The following RPA3 variants were observed in gnomAD, a reference collection of about 807,000 sequenced individuals.
RPA3 encodes the protein replication protein A3, also known as replication protein A 14 kDa subunit.
RPA3 carries 24 observed loss-of-function variants against 13.7 expected under a neutral mutation model. The observed-to-expected ratio is 1.75, with a 90% CI of 1.27 to 2.46. The LOEUF is 2.46. RPA3 is among the 30% of genes most tolerant of loss of function. RPA3 has a pLI of 0.00. For synonymous variants in RPA3, 59 were observed against 51.2 expected, an observed-to-expected ratio of 1.15 and a Z score of -0.65; for missense variants, 183 against 151.0, an observed-to-expected ratio of 1.21 and a Z score of -1.11.
At chr7:7,658,201 A>G (rs1446581261) in intron 4 of RPA3, among the ~76,000 whole-genome samples, 1 of 152,212 alleles carries the variant, frequency 6.6e-6, no homozygotes, top group Non-Finnish European at 1.5e-5. Flanking sequence ...CAGCTTAAGG[A>G]GATTTTGGGC....
chr7:7,657,609 A>G (rs1178937344), intron 4 of RPA3, among the ~76,000 whole-genome samples: 1 of 151,962 alleles, frequency 6.6e-6, no homozygotes, highest in African/African-American at 2.4e-5. Context: ...TATGTCAAAG[A>G]TCAGATGGTT....
At chr7:7,659,458 C>G (rs922401282) in intron 4 of RPA3, among the ~76,000 whole-genome samples, 1 of 152,154 alleles carries the variant, frequency 6.6e-6, no homozygotes, top group African/African-American at 2.4e-5. Flanking sequence ...ATAAATTTTC[C>G]TCTAAACACT....
chr7:7,663,885 C>A (rs1033708810), intron 4 of RPA3, among the ~76,000 whole-genome samples: 3 of 152,124 alleles, frequency 2.0e-5, no homozygotes, highest in African/African-American at 7.2e-5. Context: ...CTAGTCAAAA[C>A]AAGCAAAGGT....
intron 4 of RPA3, chr7:7,673,483 G>C: frequency 1.4e-6 from 1 of 726,224 alleles, no homozygotes; most frequent in Non-Finnish European, 2.4e-6. Context: ...AAAATAATTA[G>C]ATGAATTATG....
intron 4 of RPA3, among the ~76,000 whole-genome samples, chr7:7,668,302 G>T (rs1415211954): frequency 6.6e-6 from 1 of 152,116 alleles, no homozygotes; most frequent in Non-Finnish European, 1.5e-5. Context: ...GCATACAGTA[G>T]TCCCCCTTCT....
At chr7:7,646,218 G>C (rs1321995251) in intron 4 of RPA3, among the ~76,000 whole-genome samples, 2 of 152,174 alleles carry the variant, frequency 1.3e-5, no homozygotes, top group African/African-American at 4.8e-5. Context: ...GGAGGAATCA[G>C]GTTACATGGG....
chr7:7,716,627 C>T (rs1364463912), intron 1 of RPA3, among the ~76,000 whole-genome samples: 4 of 152,218 alleles, frequency 2.6e-5, no homozygotes, highest in South Asian at 4.1e-4. Flanking sequence ...GGTAGCAAAC[C>T]CATCTGCCTA....
intron 4 of RPA3, among the ~76,000 whole-genome samples, chr7:7,663,360 A>G (rs1785524874): frequency 1.5e-5 from 2 of 132,110 alleles, no homozygotes; most frequent in African/African-American, 2.8e-5. Context: ...ATGTTAATCA[A>G]TTTAATTAAT....
intron 4 of RPA3, among the ~76,000 whole-genome samples, chr7:7,654,296 C>T (rs1185547264): frequency 6.6e-6 from 1 of 152,112 alleles, no homozygotes; most frequent in Admixed American, 6.5e-5. Flanking sequence ...CAAGTGAGGC[C>T]ATCTGTATTC....
intron 4 of RPA3, among the ~76,000 whole-genome samples, chr7:7,652,331 C>G (rs768292021): frequency 2.0e-5 from 3 of 152,184 alleles, no homozygotes; most frequent in Non-Finnish European, 2.9e-5. Flanking sequence ...AAGTTTGACT[C>G]AGACTTTGAG....
chr7:7,702,285 T>G (rs1457840650), intron 2 of RPA3, among the ~76,000 whole-genome samples: 4 of 152,216 alleles, frequency 2.6e-5, no homozygotes, highest in Non-Finnish European at 4.4e-5. Flanking sequence ...TTATTGATAT[T>G]CTTCTTCAGG....
rs564198866 is a variant in RPA3 at position 7,649,637 on chromosome 7, G to C, written c.-757-8462C>G. 7.3e-5 allele frequency among the ~76,000 whole-genome samples: 11 copies of C among 151,650 alleles called. No homozygotes were observed. The South Asian group carries it at 2.3e-3, about 32-fold the overall frequency. On this transcript the variant is annotated intron_variant, in intron 4 of 7. Coordinates refer to ENST00000223129, the MANE Select transcript of RPA3 (RefSeq NM_002947.5). ...TTTTGTTACTTTTTTCTTCTTTAAT[G>C]TTATCAGTCTGTGTTAATTTGAATG... is the stretch of plus-strand genomic sequence containing the variant.
Position 7,640,321 on chromosome 7 carries a change from T to C in RPA3, c.98A>G (p.Lys33Arg). 1 of 1,613,520 alleles carries C rather than the reference T, an allele frequency of 6.2e-7. No homozygotes were observed. Among genetic ancestry groups the C allele is most frequent in the South Asian group, 1.1e-5 (1 of 91,046 alleles). ...KPVCFVGRLE[K>R]IHPTGKMFIL... ...GCCCATGATTGCGAACCCGCACACC[T>C]TTTCCAGCCTCCCTACGAAGCAGAC... Residue 33 changes from lysine (K) to arginine (R), a missense_variant and splice_region_variant, in exon 5 of 8, where the codon AAG (lysine) becomes AGG (arginine). Lys to Arg is a conservative substitution (Grantham distance 26, BLOSUM62 2). Transcript: ENST00000223129.
In RPA3 at chr7:7,670,014, G is replaced by A. The variant is rs1779566100; in HGVS notation, c.-758+15816C>T. Among the ~76,000 whole-genome samples the A allele has an allele frequency of 2.0e-5, 3 of 152,184 alleles. No homozygotes were observed. In the South Asian group the frequency reaches 6.2e-4, roughly 32 times the overall value. ...ATGCTTTGCCAGTAAGTCATGCTAT[G>A]TAACAGACTGCTGCAGCCAGTGTGT... is the stretch of plus-strand genomic sequence containing the variant. On this transcript the variant is annotated intron_variant, in intron 4 of 7. Transcript: ENST00000223129.
chr7:7,666,840 T>C (rs1333872006), intron 4 of RPA3, among the ~76,000 whole-genome samples: 5 of 151,880 alleles, frequency 3.3e-5, no homozygotes, highest in African/African-American at 1.2e-4. Context: ...AGTTTCACTC[T>C]TGTTGCCCAG....
At chr7:7,701,233 C>T (rs1370865951) in intron 2 of RPA3, among the ~76,000 whole-genome samples, 1 of 150,588 alleles carries the variant, frequency 6.6e-6, no homozygotes, top group Non-Finnish European at 1.5e-5. Context: ...CATTTCCTCT[C>T]TAACTGTGGG....
chr7:7,651,541 G>C (rs891688325), intron 4 of RPA3, among the ~76,000 whole-genome samples: 2 of 152,096 alleles, frequency 1.3e-5, no homozygotes, highest in African/African-American at 4.8e-5. Context: ...CATTGCTTTG[G>C]GTACGTATTT....
intron 2 of RPA3, among the ~76,000 whole-genome samples, chr7:7,714,461 T>A (rs13246995): frequency 3.3e-5 from 5 of 152,082 alleles, no homozygotes; most frequent in Non-Finnish European, 7.4e-5. Flanking sequence ...GGAGTACTTA[T>A]AGCTACGAAA....
chr7:7,638,116 A>C, intron 6 of RPA3, 144 bp from the exon 7 acceptor site: 1 of 533,350 alleles, frequency 1.9e-6, no homozygotes, highest in Non-Finnish European at 3.3e-6. Context: ...GTTAAAATGT[A>C]ACTTGTTAAC....
Sources: allele counts gnomAD v4.1 joint callset (sites outside exome capture counted in the v4.1 genomes callset), GRCh38; gene constraint gnomAD v4.1.1; transcripts MANE v1.5; gene names NCBI Gene and HGNC (gene_info 2026-07-23, HGNC 2026-07-21).